TIMP4: variants seen among roughly 807,000 people sequenced by gnomAD.
TIMP4 encodes metalloproteinase inhibitor 4.
A neutral mutation model predicts 27.3 loss-of-function variants in TIMP4; 28 were observed. The observed-to-expected ratio is 1.03, with a 90% CI of 0.76 to 1.41. The LOEUF is 1.41. TIMP4 is among the 40% of genes most tolerant of loss of function. The pLI is 0.00. For missense variants in TIMP4, 307 were observed against 285.5 expected, an observed-to-expected ratio of 1.08 and a Z score of -0.54; for synonymous variants, 138 against 115.5, an observed-to-expected ratio of 1.20 and a Z score of -1.25.
intron 3 of TIMP4, among the ~76,000 whole-genome samples, 182 bp from the exon 4 acceptor site, chr3:12,154,633 G>T (rs1018701133): frequency 1.3e-5 from 2 of 152,216 alleles, no homozygotes; most frequent in Non-Finnish European, 2.9e-5. Context: ...AAAAAGATAA[G>T]CAGATTATGT....
intron 3 of TIMP4, among the ~76,000 whole-genome samples, chr3:12,155,799 G>A (rs28897669): frequency 0.079 from 12,078 of 152,160 alleles, 579 homozygotes; most frequent in African/African-American, 0.13. Context: ...GCCTAGCAGC[G>A]GGCTAGACAC....
intron 1 of TIMP4, among the ~76,000 whole-genome samples, chr3:12,158,085 A>G (rs1020910835): frequency 4.6e-5 from 7 of 152,114 alleles, no homozygotes; most frequent in African/African-American, 1.7e-4. Flanking sequence ...TGGAGTGCAC[A>G]CGTGTAAAGA....
intron 3 of TIMP4, 130 bp downstream of exon 3, chr3:12,156,688 GCT>G (rs927199342): frequency 3.1e-6 from 2 of 649,132 alleles, no homozygotes; most frequent in Admixed American, 5.6e-5. Context: ...CACTAACACA[GCT>G]CTGTTTTATG....
At chr3:12,157,295 C>T in intron 2 of TIMP4, 90 bp downstream of exon 2, 2 of 1,237,152 alleles carry the variant, frequency 1.6e-6, no homozygotes, top group East Asian at 2.4e-5. Flanking sequence ...CTGAGCCAGG[C>T]CACCTGAAAG....
At chr3:12,156,766 T>C in intron 3 of TIMP4, 54 bp downstream of exon 3, 1 of 1,450,602 alleles carries the variant, frequency 6.9e-7, no homozygotes, top group Non-Finnish European at 9.6e-7. Context: ...TCTCACTACC[T>C]CCCCTAGGGC....
intron 1 of TIMP4, 122 bp from the exon 2 acceptor site, chr3:12,157,604 G>T: frequency 1.1e-6 from 1 of 876,806 alleles, no homozygotes; most frequent in Non-Finnish European, 1.8e-6. Flanking sequence ...GTGTGGCTGG[G>T]TTGTGAGCAA....
chr3:12,156,181 C>G (rs780045169), intron 3 of TIMP4, among the ~76,000 whole-genome samples: 1 of 152,160 alleles, frequency 6.6e-6, no homozygotes, highest in Non-Finnish European at 1.5e-5. Context: ...TTTTCTTTCC[C>G]TTGCTTTCTT....
chr3:12,157,628 A>T (rs1697497486), intron 1 of TIMP4, 146 bp from the exon 2 acceptor site: 2 of 699,950 alleles, frequency 2.9e-6, no homozygotes, highest in African/African-American at 3.6e-5. Context: ...GATGTGTGAG[A>T]AGGGGGACCT....
intron 4 of TIMP4, among the ~76,000 whole-genome samples, chr3:12,154,106 G>A (rs375151237): frequency 6.6e-6 from 1 of 152,326 alleles, no homozygotes; most frequent in African/African-American, 2.4e-5. Flanking sequence ...AAGGGTAGCT[G>A]TGTTACAGTT....
Position 12,153,641 on chromosome 3 carries a change from C to CA in TIMP4, c.548dup (p.Leu183PhefsTer20), listed in dbSNP as rs1489025630. 8 of 1,614,054 alleles carry CA rather than the reference C, an allele frequency of 5.0e-6. No individual in the cohort carries two copies. The African/African-American group carries it at 1.1e-4, about 22-fold the overall frequency. On this transcript the variant is annotated frameshift_variant, in exon 5 of 5. Coordinates refer to ENST00000287814, the MANE Select transcript of TIMP4 (RefSeq NM_003256.4). LOFTEE classifies it high-confidence loss of function. ...CCTGGTAACCATAGAGCTTTCGTTC[C>CA]AACAGCCAGTCTGTCCAGAGGCACT...
In TIMP4 at chr3:12,153,397, G is replaced by T; in HGVS notation, c.*118C>A. On this transcript the variant is annotated 3_prime_UTR_variant, in exon 5 of 5. Transcript: ENST00000287814. ...TTGACAGTGGCCAGACTGTCCACTT[G>T]GCACTTCTTATTAGCTGGCAGCAAG... 2 of 1,199,430 alleles carry T rather than the reference G, an allele frequency of 1.7e-6. No individual in the cohort carries two copies. The highest frequency in any genetic ancestry group is 2.5e-6 in the Non-Finnish European group (2 of 815,138). The allele number at this position is 1,199,430 out of a possible 1,614,324, so 74.3% of individuals were successfully genotyped here.
At chr3:12,157,550 A>G in intron 1 of TIMP4, 68 bp from the exon 2 acceptor site, 1 of 1,490,156 alleles carries the variant, frequency 6.7e-7, no homozygotes, top group South Asian at 1.1e-5. Context: ...GGTCTGGATG[A>G]TCCAGGGTCC....
At chr3:12,154,603 A>C in intron 3 of TIMP4, 152 bp from the exon 4 acceptor site, 1 of 763,898 alleles carries the variant, frequency 1.3e-6, no homozygotes, top group Non-Finnish European at 2.1e-6. Context: ...AATAAATAAA[A>C]CTACTATAAT....
Position 12,156,846 on chromosome 3 carries a change from T to C in TIMP4, c.326A>G (p.Asn109Ser), listed in dbSNP as rs777413604. The change falls in exon 3 of 5, where the codon AAC (asparagine) becomes AGC (serine). Residue 109 changes from asparagine to serine, a missense_variant. Coordinates refer to ENST00000287814, the MANE Select transcript of TIMP4 (RefSeq NM_003256.4). Reference sequence around the variant, plus strand: ...AGTCAAGAGATACTGCTTCTGGCTGTTGGCTTCTAGTTTCACACCACAGAG... The same window carrying C: ...AGTCAAGAGATACTGCTTCTGGCTGCTGGCTTCTAGTTTCACACCACAGAG... ...SSLCGVKLEA[N>S]SQKQYLLTGQ... 6.2e-7 allele frequency: 1 copy of C among 1,614,216 alleles called. No homozygotes were observed. Among genetic ancestry groups the C allele is most frequent in the South Asian group, 1.1e-5 (1 of 91,084 alleles).
In TIMP4 at chr3:12,156,934, T is replaced by A; in HGVS notation, c.238A>T (p.Met80Leu). Residue 80 changes from methionine to leucine, a missense_variant and splice_region_variant, in exon 3 of 5, where the codon ATG becomes TTG. Coordinates refer to ENST00000287814, the MANE Select transcript of TIMP4 (RefSeq NM_003256.4). ...TTGACTTTCTCAAACCCTTTGAACA[T>A]CTGACAGGCAATTACAAAAAAAGGC... is the stretch of plus-strand genomic sequence containing the variant. ...MLRYEIKQIK[M>L]FKGFEKVKDV... The A allele has an allele frequency of 6.2e-7, 1 of 1,611,782 alleles. No homozygotes were observed. Among genetic ancestry groups the A allele is most frequent in the Non-Finnish European group, 8.5e-7 (1 of 1,177,944 alleles).
In TIMP4 at chr3:12,154,460, G is replaced by A. The variant is rs750903660; in HGVS notation, c.353-9C>T. The A allele has an allele frequency of 2.9e-5, 46 of 1,613,722 alleles. No individual in the cohort carries two copies. Among genetic ancestry groups the A allele is most frequent in the Non-Finnish European group, 3.6e-5 (43 of 1,179,840 alleles). On this transcript the variant is annotated splice_polypyrimidine_tract_variant and intron_variant, in intron 3 of 4. Coordinates refer to ENST00000287814, the MANE Select transcript of TIMP4 (RefSeq NM_003256.4). The stretch of plus-strand genomic sequence containing the variant: ...ATCACTGAGGACCTGACCTTCAAGG[G>A]GAGATGGAGGAGAGTCAAGCATCAG...
intron 4 of TIMP4, 32 bp from the exon 5 acceptor site, chr3:12,153,744 G>A (rs779386285): frequency 1.8e-5 from 29 of 1,610,036 alleles, no homozygotes; most frequent in African/African-American, 8.0e-5. Flanking sequence ...ATTAAAGTGA[G>A]TAGGGTGTCC....
chr3:12,156,836 C>T lies in TIMP4; in HGVS notation c.336G>A (p.Lys112=), dbSNP rs759026154. ...CGVKLEANSQ[K]QYLLTGQVLS... is the part of the protein sequence containing the mutation. Reference sequence around the variant, plus strand: ...TTAACTTACCAGTCAAGAGATACTGCTTCTGGCTGTTGGCTTCTAGTTTCA... The same window carrying T: ...TTAACTTACCAGTCAAGAGATACTGTTTCTGGCTGTTGGCTTCTAGTTTCA... The change falls in exon 3 of 5, where the codon AAG becomes AAA. Residue 112 remains lysine, a synonymous_variant. Transcript: ENST00000287814. 1 of 1,614,068 alleles carries T rather than the reference C, an allele frequency of 6.2e-7. No individual in the cohort carries two copies. Among genetic ancestry groups the T allele is most frequent in the East Asian group, 2.2e-5 (1 of 44,882 alleles).
chr3:12,155,502 A>G (rs892731520), intron 3 of TIMP4, among the ~76,000 whole-genome samples: 8 of 152,134 alleles, frequency 5.3e-5, no homozygotes, highest in Non-Finnish European at 2.9e-5. Context: ...AGGCAGGGAG[A>G]CACAGCCTGG....
Sources: allele counts gnomAD v4.1 joint callset (sites outside exome capture counted in the v4.1 genomes callset), GRCh38; gene constraint gnomAD v4.1.1; transcripts MANE v1.5; gene names NCBI Gene and HGNC (gene_info 2026-07-23, HGNC 2026-07-21).